Variants in ZNF438 observed in about 807,000 individuals in gnomAD.
ZNF438 encodes the protein zinc finger protein 438.
Under a neutral mutation model 38.0 loss-of-function variants are expected in ZNF438, and 25 were observed. That is an observed-to-expected ratio of 0.66 (90% CI 0.48 to 0.92). The LOEUF is 0.92. Ranked by LOEUF, ZNF438 falls within the 40% of genes least tolerant of loss-of-function variation. The pLI is 0.00. For synonymous variants in ZNF438, 372 were observed against 364.1 expected, an observed-to-expected ratio of 1.02 and a Z score of -0.25; for missense variants, 1,007 against 999.6, an observed-to-expected ratio of 1.01 and a Z score of -0.10.
At chr10:30,957,529 T>C (rs2048995366) in intron 1 of ZNF438, among the ~76,000 whole-genome samples, 1 of 152,234 alleles carries the variant, frequency 6.6e-6, no homozygotes, top group Admixed American at 6.5e-5. Context: ...TTAATCCATT[T>C]TGAGTTGATG....
rs1322277392 is a variant in ZNF438, at chr10:30,848,599, T to A, written c.1806A>T (p.Glu602Asp). ...TCTTTGGTATGTCTCCTGGCTGCAG[T>A]TCACTGGGCGCAGGCTCAGTGCTGA... is the stretch of plus-strand genomic sequence containing the variant. Residue 602 changes from glutamate to aspartate, a missense_variant, in exon 5 of 6, where the codon GAA becomes GAT. Physicochemically the swap from Glu to Asp is conservative, Grantham distance 45. Transcript: ENST00000413025. 5.0e-6 allele frequency: 8 copies of A among 1,614,100 alleles called. No homozygotes were observed. The highest frequency in any genetic ancestry group is 6.8e-6 in the Non-Finnish European group (8 of 1,180,044).
At chr10:30,855,566 A>C (rs1198639388) in intron 4 of ZNF438, among the ~76,000 whole-genome samples, 1 of 152,180 alleles carries the variant, frequency 6.6e-6, no homozygotes, top group Non-Finnish European at 1.5e-5. Context: ...AAATAACTAA[A>C]CCAATGTGTT....
intron 1 of ZNF438, among the ~76,000 whole-genome samples, chr10:31,025,416 C>T (rs2056877949): frequency 1.3e-5 from 2 of 152,220 alleles, no homozygotes; most frequent in South Asian, 4.1e-4. Context: ...CCAAATGTCC[C>T]CAGAGTGTGT....
intron 3 of ZNF438, among the ~76,000 whole-genome samples, chr10:30,894,041 A>G (rs2041032730): frequency 6.6e-6 from 1 of 152,220 alleles, no homozygotes; most frequent in African/African-American, 2.4e-5. Context: ...AGAGGACTAG[A>G]ACAAAGTAAC....
intron 1 of ZNF438, among the ~76,000 whole-genome samples, chr10:31,026,904 T>C (rs1246691152): frequency 1.3e-5 from 2 of 152,174 alleles, no homozygotes; most frequent in African/African-American, 2.4e-5. Context: ...TGGAATACTA[T>C]GCAGCCATAA....
intron 4 of ZNF438, among the ~76,000 whole-genome samples, chr10:30,867,989 T>C (rs2036742988): frequency 6.6e-6 from 1 of 152,214 alleles, no homozygotes; most frequent in African/African-American, 2.4e-5. Context: ...ATTTATATTT[T>C]TCCCCCAATT....
chr10:30,895,421 T>C (rs1442299945), intron 3 of ZNF438, among the ~76,000 whole-genome samples: 3 of 152,188 alleles, frequency 2.0e-5, no homozygotes, highest in Non-Finnish European at 4.4e-5. Flanking sequence ...GAAAAATTAG[T>C]TTGGGTGTTT....
chr10:31,022,986 G>A (rs544136829), intron 1 of ZNF438, among the ~76,000 whole-genome samples: 2 of 152,222 alleles, frequency 1.3e-5, no homozygotes. Context: ...TAATAAAGAC[G>A]TGTCTGAGCC....
At chr10:30,944,933 ACTTT>A (rs973384461) in intron 1 of ZNF438, among the ~76,000 whole-genome samples, 1 of 151,492 alleles carries the variant, frequency 6.6e-6, no homozygotes, top group Non-Finnish European at 1.5e-5. Flanking sequence ...GTTAATTTGA[ACTTT>A]CTTTTTTTTT....
chr10:30,940,125 G>C (rs903057402), intron 2 of ZNF438, among the ~76,000 whole-genome samples: 1 of 152,042 alleles, frequency 6.6e-6, no homozygotes, highest in African/African-American at 2.4e-5. Flanking sequence ...CATTTATAAG[G>C]ATGAAAGACA....
At chr10:30,892,689 C>T (rs2040845622) in intron 3 of ZNF438, among the ~76,000 whole-genome samples, 1 of 152,124 alleles carries the variant, frequency 6.6e-6, no homozygotes, top group Non-Finnish European at 1.5e-5. Flanking sequence ...GGCTCAACAG[C>T]TCTTTGCACC....
chr10:30,986,871 GAAT>G (rs944548925), intron 1 of ZNF438, among the ~76,000 whole-genome samples: 1 of 152,084 alleles, frequency 6.6e-6, no homozygotes, highest in Admixed American at 6.5e-5. Context: ...CAAAATCTGT[GAAT>G]AATAAGGGTC....
chr10:30,884,527 A>C (rs1200109083), intron 3 of ZNF438, among the ~76,000 whole-genome samples: 1 of 152,206 alleles, frequency 6.6e-6, no homozygotes, highest in Admixed American at 6.5e-5. Flanking sequence ...ATAGTTTATA[A>C]GGAAAAACCT....
At chr10:30,853,069 GTTAC>G (rs1054714670) in intron 4 of ZNF438, among the ~76,000 whole-genome samples, 6 of 152,020 alleles carry the variant, frequency 3.9e-5, no homozygotes, top group Admixed American at 2.0e-4. Context: ...ATGGCTTTTG[GTTAC>G]TTAGAGATGT....
At chr10:30,884,092 T>A (rs999259474) in intron 3 of ZNF438, among the ~76,000 whole-genome samples, 1 of 151,942 alleles carries the variant, frequency 6.6e-6, no homozygotes, top group Admixed American at 6.6e-5. Context: ...CAGAAAAAAA[T>A]GTTTTTATTT....
At chr10:30,927,974 T>G (rs1010055906) in intron 2 of ZNF438, among the ~76,000 whole-genome samples, 1 of 152,212 alleles carries the variant, frequency 6.6e-6, no homozygotes, top group Non-Finnish European at 1.5e-5. Context: ...AGAAGTTACA[T>G]TGGCAAGAAA....
At chr10:30,878,563 T>G (rs2038789132) in intron 3 of ZNF438, among the ~76,000 whole-genome samples, 3 of 152,146 alleles carry the variant, frequency 2.0e-5, no homozygotes, top group African/African-American at 7.2e-5. Context: ...ACCCACTGGA[T>G]GCAGGTACCC....
chr10:30,849,182 C>T, exon 5 of ZNF438: 1 of 1,614,028 alleles, frequency 6.2e-7, no homozygotes. Flanking sequence ...ACCATCTCTA[C>T]ACTTATTAAT....
At chr10:31,012,953 C>T (rs1352882439) in intron 1 of ZNF438, among the ~76,000 whole-genome samples, 1 of 152,202 alleles carries the variant, frequency 6.6e-6, no homozygotes, top group Non-Finnish European at 1.5e-5. Flanking sequence ...TGTCCTTCCA[C>T]ATACACTCCC....
Sources: allele counts gnomAD v4.1 joint callset (sites outside exome capture counted in the v4.1 genomes callset), GRCh38; gene constraint gnomAD v4.1.1; transcripts MANE v1.5; gene names NCBI Gene and HGNC (gene_info 2026-07-23, HGNC 2026-07-21).